Variants in MID1 observed in about 807,000 individuals in gnomAD.
The protein encoded by MID1 is E3 ubiquitin-protein ligase Midline-1.
In MID1, 7 loss-of-function variants were observed where a neutral mutation model predicts 40.4. The observed-to-expected ratio is 0.17, with a 90% confidence interval of 0.10 to 0.33. MID1 has a LOEUF of 0.33. Ranked by LOEUF, MID1 falls within the 10% of genes least tolerant of loss-of-function variation. The pLI is 1.00. For missense variants in MID1, 367 were observed against 558.5 expected (o/e 0.66, Z 3.46); for synonymous variants, 229 against 221.2 (o/e 1.04, Z -0.31).
rs111510992 is a variant in MID1, at chrX:10,643,530, C to A, written c.-186-23111G>T. ...TCAGGAAACAACAGGTGCTGGAGAG[C>A]ATGTGGAGAAATAGGAACGGTTGGT... On this transcript the variant is annotated intron_variant, in intron 1 of 10. Coordinates refer to the MID1 transcript ENST00000380785. Among the ~76,000 whole-genome samples, 6 of 111,630 alleles carry A rather than the reference C, an allele frequency of 5.4e-5. No homozygotes were observed. In the South Asian group the frequency reaches 2.3e-3, roughly 42 times the overall value.
At chrX:10,718,336 T>G (rs769291747) in intron 1 of MID1, among the ~76,000 whole-genome samples, 2 of 111,552 alleles carry the variant, frequency 1.8e-5, no homozygotes, top group East Asian at 5.7e-4. Flanking sequence ...AAGAATCAAA[T>G]AGACACAATT....
At chrX:10,768,248 A>G (rs1415452445) in intron 1 of MID1, among the ~76,000 whole-genome samples, 1 of 111,474 alleles carries the variant, frequency 9.0e-6, no homozygotes, top group Admixed American at 9.6e-5. Flanking sequence ...TGATTTTATA[A>G]TCATAATAAA....
At chrX:10,474,879 G>A in intron 5 of MID1, 129 bp from the exon 6 acceptor site, 1 of 625,024 alleles carries the variant, frequency 1.6e-6, no homozygotes, top group South Asian at 2.4e-5. Flanking sequence ...GTTTTAAGAG[G>A]CATCTCAAAA....
At chrX:10,788,050 G>A (rs2043900141) in intron 1 of MID1, among the ~76,000 whole-genome samples, 1 of 111,150 alleles carries the variant, frequency 9.0e-6, no homozygotes, top group African/African-American at 3.3e-5. Context: ...TATCACCCAG[G>A]TTGCCAGAAT....
At chrX:10,497,384 T>C (rs1197548937) in intron 3 of MID1, among the ~76,000 whole-genome samples, 1 of 111,991 alleles carries the variant, frequency 8.9e-6, no homozygotes, top group Non-Finnish European at 1.9e-5. Context: ...CCCTGCTGAG[T>C]TGGTTTAGCC....
intron 1 of MID1, among the ~76,000 whole-genome samples, chrX:10,662,770 T>A (rs746179579): frequency 1.8e-5 from 2 of 111,596 alleles, no homozygotes; most frequent in South Asian, 7.5e-4. Flanking sequence ...GAGGGCATTA[T>A]TATTATTCTA....
intron 1 of MID1, among the ~76,000 whole-genome samples, chrX:10,809,329 G>A (rs762760512): frequency 3.0e-4 from 34 of 111,862 alleles, no homozygotes; most frequent in African/African-American, 1.1e-3. Context: ...CACTGTTGGT[G>A]GGACTGTAAA....
intron 3 of MID1, chrX:10,505,846 A>C: frequency 1.3e-6 from 1 of 754,268 alleles, no homozygotes; most frequent in Non-Finnish European, 1.6e-6. Flanking sequence ...ATTCCTGAAA[A>C]GTGATGTACT....
chrX:10,646,519 A>T (rs897178290), intron 1 of MID1, among the ~76,000 whole-genome samples: 1 of 111,364 alleles, frequency 9.0e-6, no homozygotes, highest in African/African-American at 3.3e-5. Context: ...CCACCCCCTG[A>T]TGTTAAGGAA....
intron 3 of MID1, among the ~76,000 whole-genome samples, chrX:10,511,350 TACAA>T (rs1054266783): frequency 3.6e-5 from 4 of 111,382 alleles, no homozygotes; most frequent in African/African-American, 9.8e-5. Context: ...ACTATTAACA[TACAA>T]ACAAATATTT....
chrX:10,755,669 C>A (rs1482074623), intron 1 of MID1, among the ~76,000 whole-genome samples: 1 of 111,888 alleles, frequency 8.9e-6, no homozygotes, highest in Non-Finnish European at 1.9e-5. Context: ...GTGGAGCGAG[C>A]CAACCTAGTT....
chrX:10,498,230 A>C (rs1262434632), intron 3 of MID1, among the ~76,000 whole-genome samples: 2 of 112,026 alleles, frequency 1.8e-5, no homozygotes, highest in East Asian at 5.6e-4. Context: ...CAGTCTCCTG[A>C]GTAGCTGGGA....
At chrX:10,668,488 C>G (rs1356905057) in intron 1 of MID1, among the ~76,000 whole-genome samples, 1 of 112,023 alleles carries the variant, frequency 8.9e-6, no homozygotes, top group Non-Finnish European at 1.9e-5. Flanking sequence ...GTAAAGTTCA[C>G]ATAATTTAAA....
Position 10,619,934 on chromosome X carries a change from T to C in MID1, c.-57+356A>G, listed in dbSNP as rs754390143. ...GCTGTCTTTATTCTAGCCCAAAGCA[T>C]AGGGTAGAGGCACTAAAAGCTCGAG... On this transcript the variant is annotated intron_variant, in intron 1 of 9. Coordinates refer to ENST00000317552, the MANE Select transcript of MID1 (RefSeq NM_000381.4). Among the ~76,000 whole-genome samples the C allele has an allele frequency of 2.0e-3, 224 of 111,216 alleles. 2 individuals carry two copies. The highest frequency in any genetic ancestry group is 6.6e-3 in the African/African-American group (203 of 30,661).
At chrX:10,452,279 T>C (rs1019483697) in intron 9 of MID1, among the ~76,000 whole-genome samples, 1 of 112,091 alleles carries the variant, frequency 8.9e-6, no homozygotes, top group African/African-American at 3.2e-5. Flanking sequence ...ATTACTCATT[T>C]AGTTAACACC....
intron 1 of MID1, among the ~76,000 whole-genome samples, chrX:10,723,099 A>C (rs2043368542): frequency 8.9e-6 from 1 of 111,739 alleles, no homozygotes; most frequent in Admixed American, 9.6e-5. Flanking sequence ...CTCTGCAAAA[A>C]AGTAGTTACA....
intron 3 of MID1, among the ~76,000 whole-genome samples, chrX:10,504,709 GGAA>G (rs990611226): frequency 9.0e-6 from 1 of 110,953 alleles, no homozygotes; most frequent in Non-Finnish European, 1.9e-5. Context: ...TTTGGATGGG[GGAA>G]GAAGAAGGGT....
At chrX:10,807,660 C>A (rs958047237) in intron 1 of MID1, among the ~76,000 whole-genome samples, 1 of 112,327 alleles carries the variant, frequency 8.9e-6, no homozygotes, top group African/African-American at 3.2e-5. Context: ...TACATCAAAT[C>A]TTTCTCACAC....
intron 1 of MID1, among the ~76,000 whole-genome samples, chrX:10,805,071 TTTA>T (rs1374127321): frequency 9.1e-6 from 1 of 109,966 alleles, no homozygotes; most frequent in Non-Finnish European, 1.9e-5. Context: ...TGTTGTTAAT[TTTA>T]TTATTATTAT....
Sources: allele counts gnomAD v4.1 joint callset (sites outside exome capture counted in the v4.1 genomes callset), GRCh38; gene constraint gnomAD v4.1.1; transcripts MANE v1.5; gene names NCBI Gene and HGNC (gene_info 2026-07-23, HGNC 2026-07-21).